The following ASB10 variants were observed in gnomAD, a reference collection of about 807,000 sequenced individuals.
The protein encoded by ASB10 is ankyrin repeat and SOCS box protein 10.
In ASB10, 44 loss-of-function variants were observed where a neutral mutation model predicts 35.4. The ratio of observed to expected loss-of-function variants is 1.24; its 90% CI spans 0.98 to 1.60. The LOEUF is 1.60. Ranked by LOEUF, ASB10 falls within the 40% of genes most tolerant of loss-of-function variation. ASB10 has a pLI of 0.00. For synonymous variants in ASB10, 294 were observed against 280.4 expected (o/e 1.05, Z -0.49); for missense variants, 647 against 634.3 (o/e 1.02, Z -0.22).
At chr7:151,180,196 C>T (rs1801459444) in intron 3 of ASB10, among the ~76,000 whole-genome samples, 1 of 152,210 alleles carries the variant, frequency 6.6e-6, no homozygotes, top group African/African-American at 2.4e-5. Context: ...TTATCTATGC[C>T]CCTCCAGACA....
At chr7:151,176,009 G>A (rs1801378201) in intron 5 of ASB10, 43 bp from the exon 6 acceptor site, 30 of 1,363,588 alleles carry the variant, frequency 2.2e-5, no homozygotes, top group South Asian at 2.1e-4. Context: ...GGTGGTTCGG[G>A]GACGGGCCGG....
chr7:151,187,483 G>T, upstream of ASB10: 1 of 1,551,314 alleles, frequency 6.4e-7, no homozygotes, highest in African/African-American at 1.4e-5. This position sits in a 1 kb window ranked among gnomAD's most constrained non-coding sequence, Gnocchi z 5.3. Flanking sequence ...GAGGCTCTGC[G>T]GCCCGGCTCT....
rs3800791 is a variant in ASB10 at position 151,176,159 on chromosome 7, G to A, written c.1357C>T (p.Arg453Cys). 9.7e-3 allele frequency: 15,593 copies of A among 1,611,814 alleles called. 648 individuals are homozygous for A. The East Asian group carries it at 0.13, about 14-fold the overall frequency. ...QALPRLPLPP[R>C]LLRYLQLDFE... ...TCCAGCTGCAGGTAGCGGAGCAGGC[G>A]CGGTGGCAGGGGGAGGCGGGGCAGC... Residue 453 changes from arginine to cysteine, a missense_variant, in exon 5 of 6, where the codon CGC (arginine) becomes TGC (cysteine). Coordinates refer to ENST00000420175, the MANE Select transcript of ASB10 (RefSeq NM_001142459.2).
Position 151,186,397 on chromosome 7 carries a change from G to A in ASB10, c.579C>T (p.Thr193=). ...RPLHLCRGPG[T]LECAELLLRF... is the part of the protein sequence containing the mutation. ...TGGGGTGAGGGGTCACTCACTCAAG[G>A]GTGCCAGGCCCCCGGCAGAGATGCA... The change falls in exon 2 of 6, where the codon ACC becomes ACT. Residue 193 remains threonine, a synonymous_variant. Coordinates refer to ENST00000420175, the MANE Select transcript of ASB10 (RefSeq NM_001142459.2). 6.3e-7 allele frequency: 1 copy of A among 1,584,816 alleles called. No homozygotes were observed. Among genetic ancestry groups the A allele is most frequent in the Non-Finnish European group, 8.6e-7 (1 of 1,165,860 alleles).
chr7:151,185,226 C>G (rs1041691998), intron 2 of ASB10, among the ~76,000 whole-genome samples: 5 of 148,162 alleles, frequency 3.4e-5, no homozygotes. Context: ...TTAAGCAATT[C>G]TCCTGCCTCA....
intron 2 of ASB10, among the ~76,000 whole-genome samples, chr7:151,183,908 T>C (rs1801539567): frequency 6.6e-6 from 1 of 151,980 alleles, no homozygotes; most frequent in African/African-American, 2.4e-5. Flanking sequence ...TGATTACATG[T>C]CAACATGATA....
intron 3 of ASB10, among the ~76,000 whole-genome samples, chr7:151,179,429 T>A (rs942793808): frequency 6.6e-6 from 1 of 152,258 alleles, no homozygotes; most frequent in African/African-American, 2.4e-5. Context: ...TTGCTCCGAC[T>A]GTTCCCCAGT....
At chr7:151,178,630 G>T (rs1801432356) in intron 3 of ASB10, among the ~76,000 whole-genome samples, 1 of 152,226 alleles carries the variant, frequency 6.6e-6, no homozygotes. Context: ...AGCGGTGGGG[G>T]TTTAACAGAC....
In ASB10 at chr7:151,187,156, G is replaced by A. The variant is rs777873776; in HGVS notation, c.-26C>T. On this transcript the variant is annotated 5_prime_UTR_variant, in exon 1 of 6. Transcript: ENST00000420175. The surrounding 1 kb of genome is among the most constrained non-coding windows in gnomAD (Gnocchi z 5.3). ...GTGGGCAGGGAAAGGGGAGTGGGGA[G>A]GAGGAGAGGTATATGCCAAAGGCAG... 12 of 1,562,870 alleles carry A rather than the reference G, an allele frequency of 7.7e-6. No individual in the cohort carries two copies. The highest frequency in any genetic ancestry group is 3.3e-4 in the Middle Eastern group (2 of 6,024).
chr7:151,182,837 C>T (rs1801519708), intron 2 of ASB10, among the ~76,000 whole-genome samples: 1 of 152,106 alleles, frequency 6.6e-6, no homozygotes. Flanking sequence ...CGACACTTGG[C>T]AGGGGGAGTG....
At chr7:151,181,983 C>T (rs756522774) in intron 2 of ASB10, among the ~76,000 whole-genome samples, 19 of 152,212 alleles carry the variant, frequency 1.2e-4, no homozygotes, top group South Asian at 2.1e-4. Context: ...TGGGAATAAA[C>T]GTCACCAGCA....
At position 151,186,670 on chromosome 7, in the gene ASB10, G is replaced by A. The variant is rs766627966; in HGVS notation, c.317-11C>T. On this transcript the variant is annotated splice_polypyrimidine_tract_variant and intron_variant, in intron 1 of 5. Coordinates refer to ENST00000420175, the MANE Select transcript of ASB10 (RefSeq NM_001142459.2). ...TCAGAGACCAGAGTCCTAGGGAGGG[G>A]AGACGTGGGCCTCAGATCCCCAGGG... is the stretch of plus-strand genomic sequence containing the variant. 3.1e-6 allele frequency: 5 copies of A among 1,595,380 alleles called. No homozygotes were observed. Among genetic ancestry groups the A allele is most frequent in the African/African-American group, 2.7e-5 (2 of 74,568 alleles).
rs539785455 is a variant in ASB10 at position 151,183,502 on chromosome 7, G to T, written c.585-2044C>A. Among the ~76,000 whole-genome samples the T allele has an allele frequency of 7.6e-4, 116 of 152,290 alleles. 1 individual carries two copies. Among genetic ancestry groups the T allele is most frequent in the African/African-American group, 2.7e-3 (112 of 41,558 alleles). On this transcript the variant is annotated intron_variant, in intron 2 of 5. Coordinates refer to ENST00000420175, the MANE Select transcript of ASB10 (RefSeq NM_001142459.2). ...CACTCACTGCAACCTCCGCCTCACA[G>T]GCTCAAATGATCCTCCTACCTCAGC... is the stretch of plus-strand genomic sequence containing the variant.
intron 3 of ASB10, among the ~76,000 whole-genome samples, chr7:151,179,724 AG>A (rs1407619212): frequency 2.0e-5 from 3 of 152,182 alleles, no homozygotes. Flanking sequence ...TTGGTCCCAG[AG>A]ACAGGCTGAG....
Position 151,180,687 on chromosome 7 carries a change from A to G in ASB10, c.1104+252T>C, listed in dbSNP as rs891508. On this transcript the variant is annotated intron_variant, in intron 3 of 5. Coordinates refer to ENST00000420175, the MANE Select transcript of ASB10 (RefSeq NM_001142459.2). ...ATGCACAGTATATACATGCACATAC[A>G]TGCATGAACACATGTATACACACGC... Among the ~76,000 whole-genome samples the G allele has an allele frequency of 0.47, 71,896 of 152,154 alleles. 18,857 individuals are homozygous for G. Among genetic ancestry groups the G allele is most frequent in the African/African-American group, 0.71 (29,569 of 41,514 alleles).
chr7:151,176,587 G>A lies in ASB10; in HGVS notation c.1194C>T (p.Gly398=). 6.4e-7 allele frequency: 1 copy of A among 1,551,306 alleles called. No homozygotes were observed. Among genetic ancestry groups the A allele is most frequent in the Non-Finnish European group, 8.7e-7 (1 of 1,146,914 alleles). The change falls in exon 4 of 6, where the codon GGC becomes GGT. Residue 398 remains glycine, a synonymous_variant. Transcript: ENST00000420175. ...SVVQLPEEAV[G]LVTPETLQKH... is the part of the protein sequence containing the mutation. Reference sequence around the variant, plus strand: ...CCTGCAGAGTTTCAGGAGTCACCAGGCCGACGGCCTCCTCGGGAAGCTGCA... The same window carrying A: ...CCTGCAGAGTTTCAGGAGTCACCAGACCGACGGCCTCCTCGGGAAGCTGCA...
intron 2 of ASB10, among the ~76,000 whole-genome samples, chr7:151,185,643 C>A (rs780879225): frequency 3.9e-5 from 6 of 152,158 alleles, no homozygotes; most frequent in Non-Finnish European, 8.8e-5. Flanking sequence ...AGAGACAAGA[C>A]CTGCAGGTGT....
At chr7:151,184,623 G>T (rs1584817386) in intron 2 of ASB10, among the ~76,000 whole-genome samples, 1 of 152,116 alleles carries the variant, frequency 6.6e-6, no homozygotes, top group Non-Finnish European at 1.5e-5. Flanking sequence ...TGTTTGATGG[G>T]GTTAGAATTT....
In ASB10 at chr7:151,181,393, G is replaced by T; in HGVS notation, c.650C>A (p.Thr217Asn). 1.9e-6 allele frequency: 3 copies of T among 1,612,642 alleles called. No individual in the cohort carries two copies. Among genetic ancestry groups the T allele is most frequent in the South Asian group, 2.2e-5 (2 of 91,038 alleles). ...AAGCCGGGCGGCCACATGCAAAGGG[G>T]TCTCCTCTTCTTCCTCGGACCGACC... Reference protein sequence around the residue: ...VDGRSEEEEETPLHVAARLGH... With the variant: ...VDGRSEEEEENPLHVAARLGH... Residue 217 changes from threonine (T) to asparagine (N), a missense_variant, in exon 3 of 6, where the codon ACC (threonine) becomes AAC (asparagine). Transcript: ENST00000420175.
Sources: allele counts gnomAD v4.1 joint callset (sites outside exome capture counted in the v4.1 genomes callset), GRCh38; gene constraint gnomAD v4.1.1; non-coding constraint Gnocchi (gnomAD v3.1); transcripts MANE v1.5; gene names NCBI Gene and HGNC (gene_info 2026-07-23, HGNC 2026-07-21).